Variants in ARHGAP24 observed in about 807,000 individuals in gnomAD.
ARHGAP24 encodes Rho GTPase activating protein 24, also known as rho GTPase-activating protein 24.
ARHGAP24 carries 50 observed loss-of-function variants against 76.4 expected under a neutral mutation model. That is an observed-to-expected ratio of 0.65 (90% CI 0.52 to 0.83). The LOEUF (loss-of-function observed/expected upper bound fraction) is 0.83, where lower values mean the gene tolerates loss of function less well. Among genes scored for constraint, ARHGAP24 ranks in the 40% least tolerant of loss-of-function variants. The probability of loss-of-function intolerance (pLI) is 0.00; values close to 1 mark genes in which losing one functional copy is unlikely to be tolerated. For synonymous variants in ARHGAP24, 345 were observed against 323.3 expected, an observed-to-expected ratio of 1.07 and a Z score of -0.72; for missense variants, 930 against 914.2, an observed-to-expected ratio of 1.02 and a Z score of -0.22.
intron 3 of ARHGAP24, among the ~76,000 whole-genome samples, chr4:85,840,577 A>G (rs1730544802): frequency 6.6e-6 from 1 of 152,178 alleles, no homozygotes; most frequent in Non-Finnish European, 1.5e-5. Context: ...CTGTGGATCC[A>G]GGGTTTTGCT....
intron 2 of ARHGAP24, among the ~76,000 whole-genome samples, chr4:85,594,611 TA>T (rs1266382095): frequency 6.6e-6 from 1 of 151,942 alleles, no homozygotes; most frequent in East Asian, 1.9e-4. Flanking sequence ...CTAATTAGTA[TA>T]AAAAAAGGGA....
chr4:85,687,202 T>C (rs756212998), intron 2 of ARHGAP24, among the ~76,000 whole-genome samples: 2 of 152,150 alleles, frequency 1.3e-5, no homozygotes, highest in Non-Finnish European at 2.9e-5. Context: ...GGGAAACAGA[T>C]AAGACTGAGG....
chr4:85,479,991 A>G (rs1262242242), intron 1 of ARHGAP24, among the ~76,000 whole-genome samples: 1 of 152,242 alleles, frequency 6.6e-6, no homozygotes, highest in African/African-American at 2.4e-5. Flanking sequence ...ATATTTAAGA[A>G]TAATAGTCCA....
intron 2 of ARHGAP24, 86 bp downstream of exon 2, chr4:85,570,807 C>A: frequency 7.0e-7 from 1 of 1,431,094 alleles, no homozygotes; most frequent in Non-Finnish European, 9.7e-7. Flanking sequence ...GGACTGAGAC[C>A]ACCCAAAGCT....
chr4:85,708,860 G>T (rs1724415390), intron 2 of ARHGAP24, among the ~76,000 whole-genome samples: 1 of 152,170 alleles, frequency 6.6e-6, no homozygotes, highest in African/African-American at 2.4e-5. Flanking sequence ...AAAATAAAAT[G>T]ATCTTTTCTA....
chr4:85,843,075 T>C (rs976818363), intron 3 of ARHGAP24, among the ~76,000 whole-genome samples: 3 of 152,230 alleles, frequency 2.0e-5, no homozygotes, highest in African/African-American at 7.2e-5. Flanking sequence ...GAATATTTCA[T>C]AATAAGTTAT....
chr4:85,535,805 G>A (rs922987870), intron 1 of ARHGAP24, among the ~76,000 whole-genome samples: 1 of 152,026 alleles, frequency 6.6e-6, no homozygotes, highest in Non-Finnish European at 1.5e-5. Context: ...CTAAGTTATG[G>A]CTTTATTTTC....
rs184796326 is a variant in ARHGAP24, at chr4:85,685,619, C to G, written c.181-36266C>G. Among the ~76,000 whole-genome samples, 471 of 125,942 alleles carry G rather than the reference C, an allele frequency of 3.7e-3. 3 individuals are homozygous for G. Among genetic ancestry groups the G allele is most frequent in the African/African-American group, 0.019 (450 of 24,218 alleles). The allele number at this position is 125,942 out of a possible 152,430, so 82.6% of individuals were successfully genotyped here. A position where few individuals can be genotyped will look rare whatever the true frequency, so the allele number is the denominator to read the frequency against. On this transcript the variant is annotated intron_variant, in intron 2 of 9. Transcript: ENST00000395184. ...CTTCACTCCAGGCTGGGCGACAGAGCGAGACTCTGTCTCAAAAAAAAAAAA... is the reference window on the plus strand; with the variant it reads ...CTTCACTCCAGGCTGGGCGACAGAGGGAGACTCTGTCTCAAAAAAAAAAAA...
intron 3 of ARHGAP24, among the ~76,000 whole-genome samples, chr4:85,763,642 C>A (rs1726820189): frequency 1.3e-5 from 2 of 152,044 alleles, no homozygotes; most frequent in Admixed American, 6.6e-5. Context: ...TCATTTATTT[C>A]TTTATTTTGA....
intron 2 of ARHGAP24, among the ~76,000 whole-genome samples, chr4:85,703,607 G>T (rs1578154754): frequency 1.3e-5 from 2 of 152,192 alleles, no homozygotes; most frequent in South Asian, 4.1e-4. Context: ...GCCATGTGAG[G>T]TTACAGCAAA....
At chr4:85,758,325 C>T (rs1217150773) in intron 3 of ARHGAP24, among the ~76,000 whole-genome samples, 1 of 152,082 alleles carries the variant, frequency 6.6e-6, no homozygotes, top group Non-Finnish European at 1.5e-5. Context: ...AATCAAGCCA[C>T]CTGTGAGTGG....
At chr4:85,547,820 T>C (rs7663198) in intron 1 of ARHGAP24, among the ~76,000 whole-genome samples, 26,620 of 152,194 alleles carry the variant, frequency 0.17, 4,719 homozygotes, top group African/African-American at 0.46. Flanking sequence ...ATAATTAATT[T>C]GTAAGAAGAA....
rs1431510006 is a variant in ARHGAP24, at chr4:85,720,798, CAAAG to C, written c.181-1083_181-1080del. Among the ~76,000 whole-genome samples the C allele has an allele frequency of 2.0e-5, 3 of 151,186 alleles. No homozygotes were observed. In the East Asian group the frequency reaches 5.8e-4, roughly 29 times the overall value. ...AAATTAGGGAAAAACCTAGAGAAAA[CAAAG>C]AAACAAAGGAAAGAAGGTGCTTCAA... On this transcript the variant is annotated intron_variant, in intron 2 of 9. Coordinates refer to ENST00000395184, the MANE Select transcript of ARHGAP24 (RefSeq NM_001025616.3).
chr4:85,925,577 T>A (rs987590276), intron 4 of ARHGAP24, among the ~76,000 whole-genome samples: 2 of 152,258 alleles, frequency 1.3e-5, no homozygotes, highest in Non-Finnish European at 2.9e-5. Context: ...TTCACATAAC[T>A]TTTATTACAG....
intron 2 of ARHGAP24, among the ~76,000 whole-genome samples, chr4:85,658,033 G>A (rs565083264): frequency 6.6e-6 from 1 of 152,292 alleles, no homozygotes; most frequent in East Asian, 1.9e-4. Flanking sequence ...GGGATTACAG[G>A]AGTCAGCCAT....
intron 8 of ARHGAP24, among the ~76,000 whole-genome samples, chr4:85,981,442 T>C (rs1739664228): frequency 6.6e-6 from 1 of 152,194 alleles, no homozygotes; most frequent in African/African-American, 2.4e-5. Flanking sequence ...TTTGATACTA[T>C]AGAAATACGT....
intron 1 of ARHGAP24, among the ~76,000 whole-genome samples, chr4:85,560,573 G>A (rs1468881038): frequency 6.6e-6 from 1 of 152,116 alleles, no homozygotes; most frequent in African/African-American, 2.4e-5. Context: ...ATTTTGTAGT[G>A]TTTCTTCATG....
intron 1 of ARHGAP24, among the ~76,000 whole-genome samples, chr4:85,475,830 T>A (rs1722575326): frequency 6.6e-6 from 1 of 151,962 alleles, no homozygotes; most frequent in Non-Finnish European, 1.5e-5. Context: ...GACAGCAAGC[T>A]GGTAGTATGT....
At chr4:85,962,794 A>T (rs1466485848) in intron 5 of ARHGAP24, among the ~76,000 whole-genome samples, 1 of 151,502 alleles carries the variant, frequency 6.6e-6, no homozygotes, top group Non-Finnish European at 1.5e-5. Context: ...TCTTAAGCAA[A>T]CTAACTACTT....
Sources: allele counts gnomAD v4.1 joint callset (sites outside exome capture counted in the v4.1 genomes callset), GRCh38; gene constraint gnomAD v4.1.1; transcripts MANE v1.5; gene names NCBI Gene and HGNC (gene_info 2026-07-23, HGNC 2026-07-21).